Variants in RALYL observed in about 807,000 individuals in gnomAD.
The protein encoded by RALYL is RALY RNA binding protein like.
Under a neutral mutation model 35.1 loss-of-function variants are expected in RALYL, and 29 were observed. The observed-to-expected ratio is 0.83, with a 90% CI of 0.61 to 1.13. RALYL has a LOEUF of 1.13. Among genes scored for constraint, RALYL ranks in the 50% most tolerant of loss-of-function variants. The pLI is 0.00. For missense variants in RALYL, 359 were observed against 360.4 expected (o/e 1.00, Z 0.03); for synonymous variants, 120 against 127.6 (o/e 0.94, Z 0.40).
intron 3 of RALYL, among the ~76,000 whole-genome samples, chr8:84,776,918 A>G (rs1229787489): frequency 6.6e-6 from 1 of 152,246 alleles, no homozygotes; most frequent in Non-Finnish European, 1.5e-5. Flanking sequence ...TTATCTGTTT[A>G]CACAAATTAA....
At chr8:84,406,164 G>A (rs1308847468) in intron 1 of RALYL, among the ~76,000 whole-genome samples, 1 of 151,260 alleles carries the variant, frequency 6.6e-6, no homozygotes, top group African/African-American at 2.4e-5. Context: ...TTATATGTAT[G>A]CTTACATTTC....
chr8:84,636,117 C>G (rs1305707525), intron 2 of RALYL, among the ~76,000 whole-genome samples: 5 of 151,714 alleles, frequency 3.3e-5, no homozygotes, highest in Non-Finnish European at 5.9e-5. Flanking sequence ...TCTTTAGAGG[C>G]TCTGCTCCTT....
intron 2 of RALYL, among the ~76,000 whole-genome samples, chr8:84,771,258 T>G (rs895474225): frequency 1.3e-5 from 2 of 152,102 alleles, no homozygotes; most frequent in African/African-American, 4.8e-5. Context: ...TACTGTTGTA[T>G]AGTATTCCTT....
chr8:84,654,871 G>T (rs1466533780), intron 2 of RALYL, among the ~76,000 whole-genome samples: 1 of 151,934 alleles, frequency 6.6e-6, no homozygotes, highest in Non-Finnish European at 1.5e-5. Context: ...TGGCTATTGT[G>T]AATAGTGCTG....
At chr8:84,512,762 C>A (rs553879098) in intron 1 of RALYL, among the ~76,000 whole-genome samples, 3 of 152,162 alleles carry the variant, frequency 2.0e-5, no homozygotes, top group African/African-American at 7.2e-5. Context: ...CCAATTTTCC[C>A]AGCACCATTT....
chr8:84,335,795 G>A lies in RALYL; in HGVS notation c.-24+151371G>A, dbSNP rs541458068. Among the ~76,000 whole-genome samples the A allele has an allele frequency of 1.3e-4, 19 of 145,852 alleles. 2 individuals are homozygous for A. The highest frequency in any genetic ancestry group is 4.8e-4 in the African/African-American group (19 of 39,254). ...GTGGGCAAACATTTCCGTTGGGAATGTAAGAGCATGTGCCCTGCTATTTTG... is the reference window on the plus strand; with the variant it reads ...GTGGGCAAACATTTCCGTTGGGAATATAAGAGCATGTGCCCTGCTATTTTG... On this transcript the variant is annotated intron_variant, in intron 1 of 8. Coordinates refer to ENST00000521268, the MANE Select transcript of RALYL (RefSeq NM_173848.7).
intron 2 of RALYL, among the ~76,000 whole-genome samples, chr8:84,607,626 C>T (rs970582148): frequency 3.3e-5 from 5 of 152,090 alleles, no homozygotes; most frequent in African/African-American, 9.7e-5. Flanking sequence ...CAGAGTAATT[C>T]GGTCCACTTG....
At chr8:84,284,037 T>C (rs563543090) in intron 1 of RALYL, among the ~76,000 whole-genome samples, 2 of 152,270 alleles carry the variant, frequency 1.3e-5, no homozygotes, top group South Asian at 4.1e-4. Flanking sequence ...TAATACAAAC[T>C]ATAATTTTGT....
At chr8:84,706,740 G>A (rs898552135) in intron 2 of RALYL, among the ~76,000 whole-genome samples, 1 of 152,036 alleles carries the variant, frequency 6.6e-6, no homozygotes, top group Admixed American at 6.6e-5. Context: ...AAGCTATCAG[G>A]ATCTTGCTAA....
At chr8:84,835,967 T>C (rs1259145503) in intron 4 of RALYL, among the ~76,000 whole-genome samples, 1 of 152,144 alleles carries the variant, frequency 6.6e-6, no homozygotes, top group Non-Finnish European at 1.5e-5. Context: ...AGCTACATTT[T>C]GGAGAGTGCT....
rs562587769 is a variant in RALYL, at chr8:84,442,896, G to T, written c.-23-86403G>T. On this transcript the variant is annotated intron_variant, in intron 1 of 8. Transcript: ENST00000521268. ...ATGGTTTGTGGAACCAAAATGCCTG[G>T]CTTTCAGAACTTGTTCTCACACTTC... is the stretch of plus-strand genomic sequence containing the variant. 2.0e-5 allele frequency among the ~76,000 whole-genome samples: 3 copies of T among 152,188 alleles called. No homozygotes were observed. The East Asian group carries it at 5.8e-4, about 30-fold the overall frequency.
At chr8:84,917,628 C>A (rs930783492) in intron 8 of RALYL, among the ~76,000 whole-genome samples, 11 of 150,930 alleles carry the variant, frequency 7.3e-5, no homozygotes, top group Non-Finnish European at 1.0e-4. Context: ...TTTTCTGATT[C>A]ACTGTCCTAT....
At chr8:84,395,628 T>A (rs1458322810) in intron 1 of RALYL, among the ~76,000 whole-genome samples, 1 of 151,934 alleles carries the variant, frequency 6.6e-6, no homozygotes, top group African/African-American at 2.4e-5. Flanking sequence ...ACATTACGTA[T>A]GTTCATATGG....
At chr8:84,265,737 A>G (rs1166676893) in intron 1 of RALYL, among the ~76,000 whole-genome samples, 4 of 152,204 alleles carry the variant, frequency 2.6e-5, no homozygotes, top group Admixed American at 2.0e-4. Flanking sequence ...CATCACAGTG[A>G]TGGTTCAGGC....
intron 1 of RALYL, among the ~76,000 whole-genome samples, chr8:84,312,599 A>G (rs946291502): frequency 2.0e-5 from 3 of 152,208 alleles, no homozygotes; most frequent in African/African-American, 7.2e-5. Flanking sequence ...CATCCAAAAC[A>G]TGGTGGGGGC....
chr8:84,650,340 T>C (rs1372162082), intron 2 of RALYL, among the ~76,000 whole-genome samples: 2 of 151,902 alleles, frequency 1.3e-5, no homozygotes, highest in Non-Finnish European at 2.9e-5. Flanking sequence ...AGGGCTAATA[T>C]CCAGAATCTA....
At chr8:84,356,671 C>A (rs1412270857) in intron 1 of RALYL, among the ~76,000 whole-genome samples, 5 of 150,340 alleles carry the variant, frequency 3.3e-5, no homozygotes, top group African/African-American at 5.0e-5. Flanking sequence ...GGAAAGAGAT[C>A]ATCACAATTA....
chr8:84,401,096 G>C (rs1253772210), intron 1 of RALYL, among the ~76,000 whole-genome samples: 1 of 152,098 alleles, frequency 6.6e-6, no homozygotes, highest in Non-Finnish European at 1.5e-5. Flanking sequence ...AAAATACAAA[G>C]TTTGAAAATC....
intron 2 of RALYL, among the ~76,000 whole-genome samples, chr8:84,575,974 A>T (rs1381049791): frequency 1.3e-5 from 2 of 152,094 alleles, no homozygotes; most frequent in Admixed American, 1.3e-4. Flanking sequence ...AAAAAAAAAA[A>T]AAAGGAATGA....
Sources: allele counts gnomAD v4.1 joint callset (sites outside exome capture counted in the v4.1 genomes callset), GRCh38; gene constraint gnomAD v4.1.1; transcripts MANE v1.5; gene names NCBI Gene and HGNC (gene_info 2026-07-23, HGNC 2026-07-21).